The following SALL4 variants were observed in gnomAD, a reference collection of about 807,000 sequenced individuals.
The protein encoded by SALL4 is sal-like protein 4.
In SALL4, 4 loss-of-function variants were observed where a neutral mutation model predicts 60.8. The observed-to-expected ratio is 0.07, with a 90% confidence interval of 0.03 to 0.15. The LOEUF (loss-of-function observed/expected upper bound fraction) is 0.15, where lower values mean the gene tolerates loss of function less well. Ranked by LOEUF, SALL4 falls within the 10% of genes least tolerant of loss-of-function variation. The pLI, the probability that SALL4 is intolerant of heterozygous loss-of-function variation, is 1.00. For synonymous variants in SALL4, 580 were observed against 574.9 expected (o/e 1.01, Z -0.13); for missense variants, 1,178 against 1,394.7 (o/e 0.84, Z 2.48).
At position 51,788,983 on chromosome 20, in the gene SALL4, G is replaced by A. The variant is rs141341062; in HGVS notation, c.2620C>T (p.Arg874Trp). 11 of 1,614,114 alleles carry A rather than the reference G, an allele frequency of 6.8e-6. No individual in the cohort carries two copies. The highest frequency in any genetic ancestry group is 1.3e-5 in the African/African-American group (1 of 74,940). ...GCAGACGAGAAGTTCTTCCCACACC[G>A]TGTGCAGCCATGTTGCTTGGCCTGT... ...RRQAKQHGCTRCGKNFSSASA... is the reference protein window; with the variant it reads ...RRQAKQHGCTWCGKNFSSASA... The change falls in exon 3 of 4, where the codon CGG becomes TGG. Residue 874 changes from arginine (R) to tryptophan (W), a missense_variant. Physicochemically the swap from Arg to Trp is moderately radical, Grantham distance 101. Coordinates refer to ENST00000217086, the MANE Select transcript of SALL4 (RefSeq NM_020436.5). The surrounding 1 kb of genome is among the most constrained non-coding windows in gnomAD (Gnocchi z 4.1).
intron 1 of SALL4, among the ~76,000 whole-genome samples, chr20:51,799,716 A>C (rs1258583112): frequency 2.0e-5 from 3 of 152,216 alleles, no homozygotes; most frequent in Non-Finnish European, 4.4e-5. Context: ...TGGGAATCCT[A>C]ATCGTTGATG....
chr20:51,784,755 T>G (rs1163024087), intron 3 of SALL4, 71 bp from the exon 4 acceptor site: 17 of 1,536,336 alleles, frequency 1.1e-5, no homozygotes, highest in Non-Finnish European at 1.5e-5. Flanking sequence ...CAAGAATCAA[T>G]CTGCATATGG....
chr20:51,787,587 T>A (rs1156472687), intron 3 of SALL4, among the ~76,000 whole-genome samples: 1 of 152,220 alleles, frequency 6.6e-6, no homozygotes, highest in Non-Finnish European at 1.5e-5. Flanking sequence ...GGGACCTTAC[T>A]AGCACCTGGC....
chr20:51,790,433 G>A lies in SALL4; in HGVS notation c.2050C>T (p.His684Tyr). The change falls in exon 2 of 4, where the codon CAT (histidine) becomes TAT (tyrosine). Residue 684 changes from histidine (H) to tyrosine (Y), a missense_variant. Around this residue, in one of 5 missense-constraint regions of SALL4, gnomAD observed 853 missense variants for 1,036.8 expected, o/e 0.82. Coordinates refer to ENST00000217086, the MANE Select transcript of SALL4 (RefSeq NM_020436.5). This position sits in a 1 kb window ranked among gnomAD's most constrained non-coding sequence, Gnocchi z 5.5. ...TCGATGCTTTCGATGACATCATCAT[G>A]GCAGATAGCGCCGGTGCTGCCGTTC... The part of the protein sequence containing the change: ...GENGSTGAIC[H>Y]DDVIESIDVE... The A allele has an allele frequency of 6.2e-7, 1 of 1,614,094 alleles. No individual in the cohort carries two copies. Among genetic ancestry groups the A allele is most frequent in the East Asian group, 2.2e-5 (1 of 44,872 alleles).
intron 1 of SALL4, among the ~76,000 whole-genome samples, chr20:51,795,235 A>G (rs1031311261): frequency 9.2e-5 from 14 of 152,078 alleles, no homozygotes; most frequent in African/African-American, 3.4e-4. Flanking sequence ...GTGAAACTCC[A>G]TCTCTACTAA....
Position 51,790,426 on chromosome 20 carries a change from T to A in SALL4, c.2057A>T (p.Asp686Val). The A allele has an allele frequency of 6.2e-7, 1 of 1,612,828 alleles. No homozygotes were observed. Among genetic ancestry groups the A allele is most frequent in the Non-Finnish European group, 8.5e-7 (1 of 1,180,004 alleles). ...CTCTACATCGATGCTTTCGATGACA[T>A]CATCATGGCAGATAGCGCCGGTGCT... is the stretch of plus-strand genomic sequence containing the variant. ...NGSTGAICHD[D>V]VIESIDVEEV... is the part of the protein sequence containing the mutation. The change falls in exon 2 of 4, where the codon GAT becomes GTT. Residue 686 changes from aspartate to valine, a missense_variant. Transcript: ENST00000217086. The surrounding 1 kb of genome is among the most constrained non-coding windows in gnomAD (Gnocchi z 5.5).
chr20:51,783,715 C>G lies in SALL4; in HGVS notation c.*550G>C, dbSNP rs928015346. On this transcript the variant is annotated 3_prime_UTR_variant, in exon 4 of 4. Transcript: ENST00000217086. Reference sequence around the variant, plus strand: ...GCTACTTTGCAAGACCCGCTTCTTTCCAAAATTAGAAAAAAAAAAAAAAAG... The same window carrying G: ...GCTACTTTGCAAGACCCGCTTCTTTGCAAAATTAGAAAAAAAAAAAAAAAG... The G allele has an allele frequency of 1.3e-5, 2 of 153,670 alleles. No individual in the cohort carries two copies. The highest frequency in any genetic ancestry group is 5.3e-5 in the African/African-American group (2 of 37,998). The allele number at this position is 153,670 out of a possible 1,614,324, so 9.5% of individuals were successfully genotyped here.
At chr20:51,802,226 C>G in intron 1 of SALL4, 53 bp downstream of exon 1, 3 of 1,535,120 alleles carry the variant, frequency 2.0e-6, no homozygotes, top group Non-Finnish European at 2.6e-6. Flanking sequence ...TCGAGGATCC[C>G]GCGTACGTCC....
At chr20:51,798,397 T>C (rs1038133254) in intron 1 of SALL4, among the ~76,000 whole-genome samples, 1 of 150,838 alleles carries the variant, frequency 6.6e-6, no homozygotes, top group Non-Finnish European at 1.5e-5. Context: ...GCAGGGGTTT[T>C]TGTCGCCTGT....
Position 51,791,892 on chromosome 20 carries a change from G to T in SALL4, c.591C>A (p.Ser197Arg), listed in dbSNP as rs764301551. ...GCACGGGGGCAGGGAGTGCATCCGC[G>T]CTCCGCTGATTCACCGCCACCTTGG... Reference protein sequence around the residue: ...RGTKVAVNQRSADALPAPVPG... With the variant: ...RGTKVAVNQRRADALPAPVPG... Residue 197 changes from serine to arginine, a missense_variant, in exon 2 of 4, where the codon AGC becomes AGA. Transcript: ENST00000217086. The surrounding 1 kb of genome is among the most constrained non-coding windows in gnomAD (Gnocchi z 4.6). 1.2e-6 allele frequency: 2 copies of T among 1,614,064 alleles called. No homozygotes were observed. Among genetic ancestry groups the T allele is most frequent in the African/African-American group, 1.3e-5 (1 of 74,948 alleles).
rs545088675 is a variant in SALL4, at chr20:51,799,574, C to T, written c.130+2705G>A. On this transcript the variant is annotated intron_variant, in intron 1 of 3. Coordinates refer to ENST00000217086, the MANE Select transcript of SALL4 (RefSeq NM_020436.5). ...GGAGCTGTTTGGCAAATTGTAGCTT[C>T]TCTCCCTATGGGAAACCCACATGAA... Among the ~76,000 whole-genome samples, 28 of 152,360 alleles carry T rather than the reference C, an allele frequency of 1.8e-4. 1 individual carries two copies. In the East Asian group the frequency reaches 5.0e-3, roughly 27 times the overall value.
rs1568865196 is a variant in SALL4 at position 51,791,590 on chromosome 20, T to C, written c.893A>G (p.Asn298Ser). The C allele has an allele frequency of 2.5e-6, 4 of 1,613,496 alleles. No homozygotes were observed. The Admixed American group carries it at 5.0e-5, about 20-fold the overall frequency. The change falls in exon 2 of 4, where the codon AAC becomes AGC. Residue 298 changes from asparagine (N) to serine (S), a missense_variant. Physicochemically the swap from Asn to Ser is conservative, Grantham distance 46. Coordinates refer to ENST00000217086, the MANE Select transcript of SALL4 (RefSeq NM_020436.5). The surrounding 1 kb of genome is among the most constrained non-coding windows in gnomAD (Gnocchi z 4.6). ...CAGGGAGCTGGTGGCAGAAGGGATG[T>C]TGGCGTGAGGTAGCTTGGCTTGTTT... The part of the protein sequence containing the change: ...ALKQAKLPHA[N>S]IPSATSSLSP...
rs3030173 is a variant in SALL4 at position 51,788,323 on chromosome 20, TTGTGTG to T, written c.2742+532_2742+537del. On this transcript the variant is annotated intron_variant, in intron 3 of 3. Coordinates refer to ENST00000217086, the MANE Select transcript of SALL4 (RefSeq NM_020436.5). The surrounding 1 kb of genome is among the most constrained non-coding windows in gnomAD (Gnocchi z 4.1). ...GCATGCAACACCATGCCCAACTAATTTGTGTGTGTGTGTGTGTGTGTGTGTGTGTGT... is the reference window on the plus strand; with the variant it reads ...GCATGCAACACCATGCCCAACTAATTTGTGTGTGTGTGTGTGTGTGTGTGT... 2.7e-3 allele frequency among the ~76,000 whole-genome samples: 380 copies of T among 141,800 alleles called. No individual in the cohort carries two copies. The highest frequency in any genetic ancestry group is 0.018 in the Middle Eastern group (5 of 272). The allele number at this position is 141,800 out of a possible 152,430, so 93.0% of individuals were successfully genotyped here. A position where few individuals can be genotyped will look rare whatever the true frequency, so the allele number is the denominator to read the frequency against.
At chr20:51,793,144 C>CG (rs1568866962) in intron 1 of SALL4, 1 of 179,276 alleles carries the variant, frequency 5.6e-6, no homozygotes, top group Non-Finnish European at 1.1e-5. Flanking sequence ...GTGAAAGAAA[C>CG]GGGTTGCGCA....
rs778354482 is a variant in SALL4 at position 51,789,154 on chromosome 20, G to C, written c.2462-13C>G. The C allele has an allele frequency of 6.2e-7, 1 of 1,612,544 alleles. No individual in the cohort carries two copies. The highest frequency in any genetic ancestry group is 8.5e-7 in the Non-Finnish European group (1 of 1,179,162). On this transcript the variant is annotated splice_polypyrimidine_tract_variant and intron_variant, in intron 2 of 3. Transcript: ENST00000217086. ...AGACTGCTCCGACCTAGTACACAGA[G>C]GGGAAAAAAGCCAGACCTTTATCAT...
At position 51,791,010 on chromosome 20, in the gene SALL4, C is replaced by T. The variant is rs759398471; in HGVS notation, c.1473G>A (p.Ser491=). The T allele has an allele frequency of 5.6e-6, 9 of 1,613,972 alleles. No homozygotes were observed. Among genetic ancestry groups the T allele is most frequent in the African/African-American group, 5.3e-5 (4 of 74,886 alleles). Residue 491 remains serine (S), a synonymous_variant, in exon 2 of 4, where the codon TCG becomes TCA. Coordinates refer to ENST00000217086, the MANE Select transcript of SALL4 (RefSeq NM_020436.5). This position sits in a 1 kb window ranked among gnomAD's most constrained non-coding sequence, Gnocchi z 4.6. ...TSVGLPQNLS[S]GTNPKDLTGG... ...CCGTGAGGTCCTTGGGATTAGTCCC[C>T]GAAGAAAGATTCTGAGGTAGCCCTA...
rs3030173 is a variant in SALL4 at position 51,788,323 on chromosome 20, TTGTGTGTG to T, written c.2742+530_2742+537del. 3.1e-3 allele frequency among the ~76,000 whole-genome samples: 436 copies of T among 141,920 alleles called. 2 individuals carry two copies. The highest frequency in any genetic ancestry group is 5.0e-3 in the Non-Finnish European group (324 of 65,360). 93.1% of individuals were successfully genotyped at this position (141,920 alleles called of 152,430 possible). A position where few individuals can be genotyped will look rare whatever the true frequency, so the allele number is the denominator to read the frequency against. On this transcript the variant is annotated intron_variant, in intron 3 of 3. Coordinates refer to ENST00000217086, the MANE Select transcript of SALL4 (RefSeq NM_020436.5). This position sits in a 1 kb window ranked among gnomAD's most constrained non-coding sequence, Gnocchi z 4.1. ...GCATGCAACACCATGCCCAACTAAT[TTGTGTGTG>T]TGTGTGTGTGTGTGTGTGTGTGTGT...
rs753190505 is a variant in SALL4 at position 51,791,294 on chromosome 20, A to G, written c.1189T>C (p.Leu397=). The G allele has an allele frequency of 1.2e-6, 2 of 1,614,120 alleles. No homozygotes were observed. Among genetic ancestry groups the G allele is most frequent in the Non-Finnish European group, 1.7e-6 (2 of 1,180,030 alleles). The change falls in exon 2 of 4, where the codon TTG becomes CTG. Residue 397 remains leucine (L), a synonymous_variant. Transcript: ENST00000217086. This position sits in a 1 kb window ranked among gnomAD's most constrained non-coding sequence, Gnocchi z 4.6. Reference sequence around the variant, plus strand: ...GTGTGGGAGCGGAGGTGGATCTGCAAGGAGCTATCAGTCCCAAAAACCTTG... The same window carrying G: ...GTGTGGGAGCGGAGGTGGATCTGCAGGGAGCTATCAGTCCCAAAAACCTTG... The part of the protein sequence containing the change: ...CSKVFGTDSS[L]QIHLRSHTGE...
rs2077973095 is a variant in SALL4, at chr20:51,784,187, G to T, written c.*78C>A. On this transcript the variant is annotated 3_prime_UTR_variant, in exon 4 of 4. Coordinates refer to ENST00000217086, the MANE Select transcript of SALL4 (RefSeq NM_020436.5). ...ATCAGTAAGAAAAAGAAAACAGGAG[G>T]AGATGAGTTCTTACAAAACAAAGCA... is the stretch of plus-strand genomic sequence containing the variant. 2.6e-6 allele frequency: 4 copies of T among 1,519,222 alleles called. No individual in the cohort carries two copies. Among genetic ancestry groups the T allele is most frequent in the Non-Finnish European group, 3.6e-6 (4 of 1,099,632 alleles). 94.1% of individuals were successfully genotyped at this position (1,519,222 alleles called of 1,614,324 possible). A position where few individuals can be genotyped will look rare whatever the true frequency, so the allele number is the denominator to read the frequency against.
Sources: allele counts gnomAD v4.1 joint callset (sites outside exome capture counted in the v4.1 genomes callset), GRCh38; gene constraint gnomAD v4.1.1; regional missense constraint gnomAD v4.1.1; non-coding constraint Gnocchi (gnomAD v3.1); transcripts MANE v1.5; gene names NCBI Gene and HGNC (gene_info 2026-07-23, HGNC 2026-07-21).